Variants in ACER3 observed in about 807,000 individuals in gnomAD.
ACER3 encodes the protein alkCDase 3.
In ACER3, 16 loss-of-function variants were observed where a neutral mutation model predicts 48.9. That is an observed-to-expected ratio of 0.33 (90% CI 0.22 to 0.50). The LOEUF is 0.50. Among genes scored for constraint, ACER3 ranks in the 20% least tolerant of loss-of-function variants. ACER3 has a pLI of 0.98. For synonymous variants in ACER3, 109 were observed against 107.8 expected (o/e 1.01, Z -0.07); for missense variants, 227 against 326.0 (o/e 0.70, Z 2.34).
chr11:76,959,780 C>T (rs1475822392), intron 3 of ACER3, among the ~76,000 whole-genome samples: 1 of 151,990 alleles, frequency 6.6e-6, no homozygotes, highest in Non-Finnish European at 1.5e-5. Flanking sequence ...TCTCGAACTC[C>T]TGACCTCAGG....
chr11:76,865,810 C>CTT (rs372481140), intron 1 of ACER3, among the ~76,000 whole-genome samples: 9 of 130,612 alleles, frequency 6.9e-5, no homozygotes, highest in Non-Finnish European at 6.6e-5. Flanking sequence ...TGCCCAGCAT[C>CTT]TTTTTTTTTT....
At chr11:76,936,280 G>C (rs1450914669) in intron 2 of ACER3, among the ~76,000 whole-genome samples, 2 of 152,172 alleles carry the variant, frequency 1.3e-5, no homozygotes, top group Non-Finnish European at 2.9e-5. Flanking sequence ...CTATATTGGG[G>C]TTTAGTATTA....
chr11:76,905,404 G>A (rs777929768), intron 1 of ACER3, among the ~76,000 whole-genome samples: 1 of 152,166 alleles, frequency 6.6e-6, no homozygotes, highest in Non-Finnish European at 1.5e-5. Context: ...GTCAAGGAAA[G>A]AGGGCCTGAA....
At chr11:76,987,681 T>A (rs974631855) in intron 5 of ACER3, among the ~76,000 whole-genome samples, 1 of 152,196 alleles carries the variant, frequency 6.6e-6, no homozygotes, top group Non-Finnish European at 1.5e-5. Flanking sequence ...CTCACACCTG[T>A]AATCCCAGCA....
intron 1 of ACER3, among the ~76,000 whole-genome samples, chr11:76,877,520 TC>T (rs141197129): frequency 2.6e-5 from 4 of 151,944 alleles, no homozygotes; most frequent in African/African-American, 7.2e-5. Flanking sequence ...TTCCTTTTTT[TC>T]CCCCCCATTT....
chr11:76,930,710 A>G (rs1166353782), intron 2 of ACER3, among the ~76,000 whole-genome samples: 1 of 151,988 alleles, frequency 6.6e-6, no homozygotes, highest in East Asian at 1.9e-4. Flanking sequence ...TTCTGCCTTC[A>G]TTTCGTTATG....
At chr11:77,017,428 A>G (rs1949392622) in intron 9 of ACER3, among the ~76,000 whole-genome samples, 1 of 152,216 alleles carries the variant, frequency 6.6e-6, no homozygotes, top group Non-Finnish European at 1.5e-5. Flanking sequence ...AAGAAATAGA[A>G]CAGACCTCTA....
intron 5 of ACER3, 46 bp downstream of exon 5, chr11:76,985,770 AT>A: frequency 8.6e-7 from 1 of 1,158,432 alleles, no homozygotes; most frequent in Non-Finnish European, 1.2e-6. Flanking sequence ...TAAATTCACC[AT>A]TTATGGAGTT....
intron 4 of ACER3, among the ~76,000 whole-genome samples, chr11:76,980,864 GA>G (rs1948569573): frequency 6.6e-6 from 1 of 152,086 alleles, no homozygotes; most frequent in South Asian, 2.1e-4. Context: ...TTCCCATGAA[GA>G]TTAAAATAAA....
intron 1 of ACER3, among the ~76,000 whole-genome samples, chr11:76,889,115 A>G (rs971091181): frequency 2.6e-5 from 4 of 152,104 alleles, no homozygotes; most frequent in African/African-American, 4.8e-5. Context: ...TCTCAGATCC[A>G]TTTCCTATCC....
chr11:76,898,938 G>A (rs1006954094), intron 1 of ACER3, among the ~76,000 whole-genome samples: 2 of 137,146 alleles, frequency 1.5e-5, no homozygotes, highest in African/African-American at 6.2e-5. Flanking sequence ...AAAAATCCTC[G>A]TTGGTGATCT....
At chr11:76,916,979 T>C (rs1946548921) in intron 1 of ACER3, among the ~76,000 whole-genome samples, 1 of 152,206 alleles carries the variant, frequency 6.6e-6, no homozygotes, top group South Asian at 2.1e-4. Context: ...AGAGTTTACC[T>C]AAGCCGTATC....
At chr11:77,016,098 C>T (rs1169980801) in intron 8 of ACER3, among the ~76,000 whole-genome samples, 1 of 121,590 alleles carries the variant, frequency 8.2e-6, no homozygotes, top group Non-Finnish European at 1.7e-5. Flanking sequence ...CAGAGCAAGA[C>T]TCCGTCTCAG....
At chr11:77,020,224 A>G (rs1555024134) in intron 10 of ACER3, 50 bp from the exon 11 acceptor site, 1 of 1,584,024 alleles carries the variant, frequency 6.3e-7, no homozygotes, top group African/African-American at 1.3e-5. Context: ...CAGGGATAAC[A>G]TGGAACAATT....
chr11:76,914,002 A>G (rs181216219), intron 1 of ACER3, among the ~76,000 whole-genome samples: 292 of 152,350 alleles, frequency 1.9e-3, no homozygotes, highest in Non-Finnish European at 2.5e-3. Context: ...CCATATGTAG[A>G]AAGCTGAAAC....
intron 8 of ACER3, among the ~76,000 whole-genome samples, chr11:77,016,284 C>T (rs1555023321): frequency 1.3e-5 from 2 of 151,976 alleles, no homozygotes; most frequent in South Asian, 4.1e-4. Flanking sequence ...GAACTTCAAT[C>T]AGTAACCGAA....
intron 2 of ACER3, among the ~76,000 whole-genome samples, chr11:76,940,654 A>G (rs960653852): frequency 6.6e-6 from 1 of 152,074 alleles, no homozygotes; most frequent in Non-Finnish European, 1.5e-5. Flanking sequence ...TTATCCACCA[A>G]CTGTGGTGGT....
intron 1 of ACER3, among the ~76,000 whole-genome samples, chr11:76,881,736 C>T (rs1404756930): frequency 2.0e-5 from 3 of 152,094 alleles, no homozygotes; most frequent in African/African-American, 4.8e-5. Context: ...AGGAAACATA[C>T]TGTCTTTTGT....
chr11:76,884,809 G>A (rs1464021483), intron 1 of ACER3, among the ~76,000 whole-genome samples: 1 of 151,890 alleles, frequency 6.6e-6, no homozygotes, highest in Non-Finnish European at 1.5e-5. Context: ...TGTTGTCCAG[G>A]CTGGAGGGCA....
Sources: gnomAD v4.1 joint callset for allele counts (sites outside exome capture counted in the v4.1 genomes callset) on GRCh38, gnomAD v4.1.1 for gene constraint, MANE v1.5 for transcripts, NCBI Gene and HGNC (gene_info 2026-07-23, HGNC 2026-07-21) for gene names.